Variants in MYRIP observed in about 807,000 individuals in gnomAD.
MYRIP encodes the protein rab effector MyRIP.
In MYRIP, 49 loss-of-function variants were observed where a neutral mutation model predicts 98.0. The ratio of observed to expected loss-of-function variants is 0.50; its 90% confidence interval spans 0.40 to 0.63. The LOEUF is 0.63. Among genes scored for constraint, MYRIP ranks in the 30% least tolerant of loss-of-function variants. The pLI is 0.00. For missense variants in MYRIP, 1,004 were observed against 1,058.2 expected (o/e 0.95, Z 0.71); for synonymous variants, 404 against 409.5 (o/e 0.99, Z 0.16).
intron 5 of MYRIP, 90 bp downstream of exon 5, chr3:40,162,900 AT>A (rs933248878): frequency 8.4e-7 from 1 of 1,187,578 alleles, no homozygotes; most frequent in Non-Finnish European, 1.3e-6. Context: ...CCCCAGATGC[AT>A]TGTTACCCCA....
chr3:39,865,706 C>T (rs1172761225), intron 1 of MYRIP, among the ~76,000 whole-genome samples: 3 of 152,144 alleles, frequency 2.0e-5, no homozygotes, highest in African/African-American at 4.8e-5. Flanking sequence ...GCAAGGGGAA[C>T]ACTTATACTC....
intron 2 of MYRIP, among the ~76,000 whole-genome samples, chr3:40,034,850 T>G (rs2125822642): frequency 6.6e-6 from 1 of 151,516 alleles, no homozygotes; most frequent in South Asian, 2.1e-4. Context: ...TAGAGTGGAT[T>G]AAGAAAATGT....
In MYRIP at chr3:40,251,762, C is replaced by T. The variant is rs542506523; in HGVS notation, c.2429-119C>T. The T allele has an allele frequency of 3.0e-4, 205 of 690,338 alleles. 1 individual carries two copies. In the African/African-American group the frequency reaches 3.3e-3, roughly 11 times the overall value. The allele number at this position is 690,338 out of a possible 1,614,324, so 42.8% of individuals were successfully genotyped here. On this transcript the variant is annotated intron_variant, in intron 15 of 16. Transcript: ENST00000302541. ...ATCCCATAGTCAATCAAACACAGTA[C>T]AGGAATGAGATTCCAAGTCTAGAAC...
At chr3:40,014,201 A>T (rs1946815791) in intron 2 of MYRIP, among the ~76,000 whole-genome samples, 1 of 152,222 alleles carries the variant, frequency 6.6e-6, no homozygotes, top group Non-Finnish European at 1.5e-5. Flanking sequence ...CAAAATTATG[A>T]GTGATTTGTA....
At chr3:40,150,117 C>T (rs1950090439) in intron 3 of MYRIP, among the ~76,000 whole-genome samples, 1 of 151,980 alleles carries the variant, frequency 6.6e-6, no homozygotes, top group East Asian at 1.9e-4. Context: ...GAATCTCACT[C>T]TGTCGCCCAG....
chr3:40,243,674 G>A (rs561780293), intron 12 of MYRIP, among the ~76,000 whole-genome samples: 1 of 152,236 alleles, frequency 6.6e-6, no homozygotes, highest in South Asian at 2.1e-4. Context: ...GGATGGGGGG[G>A]TATTTGTTTC....
intron 3 of MYRIP, among the ~76,000 whole-genome samples, chr3:40,082,877 T>C (rs749697032): frequency 3.3e-5 from 5 of 152,208 alleles, no homozygotes; most frequent in Non-Finnish European, 5.9e-5. Context: ...CCTTCTGTAA[T>C]AAGACACTTA....
intron 1 of MYRIP, among the ~76,000 whole-genome samples, chr3:39,880,912 T>A (rs1218732852): frequency 6.6e-6 from 1 of 152,188 alleles, no homozygotes; most frequent in East Asian, 1.9e-4. Context: ...TGCATAATTT[T>A]AAAAATAATT....
At chr3:39,876,842 G>T (rs1396382886) in intron 1 of MYRIP, among the ~76,000 whole-genome samples, 1 of 152,042 alleles carries the variant, frequency 6.6e-6, no homozygotes, top group African/African-American at 2.4e-5. Flanking sequence ...TTCTCGAGGA[G>T]TATCTTTGTG....
intron 2 of MYRIP, among the ~76,000 whole-genome samples, chr3:40,007,024 A>G (rs1292645794): frequency 1.3e-5 from 2 of 152,190 alleles, no homozygotes; most frequent in Non-Finnish European, 2.9e-5. Flanking sequence ...ATGCCCAGCT[A>G]AGTGATCATT....
In MYRIP at chr3:40,001,259, T is replaced by C. The variant is rs889471426; in HGVS notation, c.111-42791T>C. 2.0e-5 allele frequency among the ~76,000 whole-genome samples: 3 copies of C among 152,150 alleles called. No homozygotes were observed. In the South Asian group the frequency reaches 6.2e-4, roughly 31 times the overall value. On this transcript the variant is annotated intron_variant, in intron 2 of 16. Coordinates refer to ENST00000302541, the MANE Select transcript of MYRIP (RefSeq NM_015460.4). ...ATACATTTGGCAAAAATGGTGAAAG[T>C]GGTTGCCTGCAGACTTGCAAATGGG...
chr3:40,102,717 T>G (rs1948969735), intron 3 of MYRIP, among the ~76,000 whole-genome samples: 1 of 151,978 alleles, frequency 6.6e-6, no homozygotes, highest in Non-Finnish European at 1.5e-5. Flanking sequence ...CTCTGGCATC[T>G]CAGAGTTAGG....
chr3:40,150,568 G>A (rs1950099732), intron 3 of MYRIP, among the ~76,000 whole-genome samples: 1 of 152,192 alleles, frequency 6.6e-6, no homozygotes, highest in African/African-American at 2.4e-5. Flanking sequence ...TAAATATAAA[G>A]CCTACTATTA....
intron 3 of MYRIP, among the ~76,000 whole-genome samples, chr3:40,142,103 A>T (rs568355573): frequency 1.2e-3 from 150 of 125,570 alleles, no homozygotes; most frequent in Non-Finnish European, 1.6e-3. Flanking sequence ...CCCAGGCTTG[A>T]GTGCAATGGC....
intron 1 of MYRIP, among the ~76,000 whole-genome samples, chr3:39,872,075 A>AT (rs1942809561): frequency 6.6e-6 from 1 of 151,980 alleles, no homozygotes; most frequent in Admixed American, 6.6e-5. Flanking sequence ...CAACTGATGA[A>AT]TTTTTTCTAA....
chr3:40,159,415 G>A (rs1004648459), intron 4 of MYRIP, among the ~76,000 whole-genome samples: 2 of 152,074 alleles, frequency 1.3e-5, no homozygotes, highest in African/African-American at 4.8e-5. Flanking sequence ...TTTCTCTCTG[G>A]CTGCCCTTAA....
intron 2 of MYRIP, among the ~76,000 whole-genome samples, chr3:39,941,380 C>T (rs1024475493): frequency 2.6e-5 from 4 of 152,022 alleles, no homozygotes; most frequent in African/African-American, 7.2e-5. Flanking sequence ...GACCCTAACA[C>T]CTCCTACTGG....
intron 3 of MYRIP, among the ~76,000 whole-genome samples, chr3:40,125,272 A>G (rs1041611873): frequency 8.5e-5 from 13 of 152,232 alleles, no homozygotes; most frequent in African/African-American, 3.1e-4. Context: ...CATGATCACA[A>G]GGTCCCACAA....
At chr3:39,930,577 C>CTTGAG (rs137951534) in intron 2 of MYRIP, among the ~76,000 whole-genome samples, 56,041 of 151,398 alleles carry the variant, frequency 0.37, 10,638 homozygotes, top group East Asian at 0.45. Context: ...GTTGCTTATG[C>CTTGAG]TTATTTCTAA....
Sources: gnomAD v4.1 joint callset for allele counts (sites outside exome capture counted in the v4.1 genomes callset) on GRCh38, gnomAD v4.1.1 for gene constraint, MANE v1.5 for transcripts, NCBI Gene and HGNC (gene_info 2026-07-23, HGNC 2026-07-21) for gene names.